Variants in EIF4A2 observed in about 807,000 individuals in gnomAD.
EIF4A2 encodes eukaryotic initiation factor 4A-II.
A neutral mutation model predicts 50.6 loss-of-function variants in EIF4A2; 9 were observed. The observed-to-expected ratio is 0.18, with a 90% CI of 0.11 to 0.31. The LOEUF (loss-of-function observed/expected upper bound fraction) is 0.31. EIF4A2 is among the 10% of genes least tolerant of loss of function. The pLI, the probability that EIF4A2 is intolerant of heterozygous loss-of-function variation, is 1.00. For synonymous variants in EIF4A2, 215 were observed against 164.4 expected (o/e 1.31, Z -2.35); for missense variants, 182 against 501.8 (o/e 0.36, Z 6.09).
intron 1 of EIF4A2, chr3:186,783,947 C>G: frequency 2.1e-6 from 1 of 485,826 alleles, no homozygotes; most frequent in Admixed American, 3.5e-5. Flanking sequence ...AGTCCGAGTT[C>G]GGTACACTGT....
At chr3:186,787,288 G>C in intron 8 of EIF4A2, 24 bp downstream of exon 8, 2 of 1,614,006 alleles carry the variant, frequency 1.2e-6, no homozygotes, top group Non-Finnish European at 1.7e-6. Flanking sequence ...TAAAATGTCT[G>C]GATTTCCACT....
In EIF4A2 at chr3:186,783,596, G is replaced by A. The variant is rs374859102; in HGVS notation, c.-15G>A. Reference sequence around the variant, plus strand: ...CGCTGTCTTTTCAGTCGGGCGCTGAGTGGTTTTTCGGATCATGTCTGGTGG... The same window carrying A: ...CGCTGTCTTTTCAGTCGGGCGCTGAATGGTTTTTCGGATCATGTCTGGTGG... On this transcript the variant is annotated 5_prime_UTR_variant, in exon 1 of 11. It adds an upstream start codon to the 5' untranslated region. Coordinates refer to ENST00000323963, the MANE Select transcript of EIF4A2 (RefSeq NM_001967.4). 3.1e-6 allele frequency: 5 copies of A among 1,614,182 alleles called. No individual in the cohort carries two copies. The South Asian group carries it at 4.4e-5, about 14-fold the overall frequency.
intron 10 of EIF4A2, 141 bp downstream of exon 10, chr3:186,788,023 C>T (rs1033531887): frequency 2.1e-6 from 2 of 940,762 alleles, no homozygotes; most frequent in South Asian, 1.7e-5. Context: ...TAAATTTGTA[C>T]TAGGGAAGGT....
In EIF4A2 at chr3:186,783,630, A is replaced by C; in HGVS notation, c.20A>C (p.Asp7Ala). Residue 7 changes from aspartate to alanine, a missense_variant, in exon 1 of 11, where the codon GAT (aspartate) becomes GCT (alanine). Asp to Ala is a moderately radical substitution (Grantham distance 126). Transcript: ENST00000323963. Reference protein sequence around the residue: MSGGSADYNREHGGPEG... With the variant: MSGGSAAYNREHGGPEG... ...CGGATCATGTCTGGTGGCTCCGCGGATTATAACAGGTATGCAGTCTGTTGG... is the reference window on the plus strand; with the variant it reads ...CGGATCATGTCTGGTGGCTCCGCGGCTTATAACAGGTATGCAGTCTGTTGG... 2 of 1,614,100 alleles carry C rather than the reference A, an allele frequency of 1.2e-6. No homozygotes were observed. The highest frequency in any genetic ancestry group is 1.7e-6 in the Non-Finnish European group (2 of 1,180,036).
chr3:186,785,608 A>G, intron 4 of EIF4A2: 2 of 407,726 alleles, frequency 4.9e-6, no homozygotes, highest in South Asian at 9.1e-5. Context: ...CGTACTCCCT[A>G]CCTACAGTGA....
chr3:186,784,072 G>C (rs1230281940), intron 1 of EIF4A2: 1 of 438,542 alleles, frequency 2.3e-6, no homozygotes, highest in African/African-American at 2.0e-5. Context: ...GCGCGGAGGC[G>C]ACGGGACAGG....
At chr3:186,788,443 T>C (rs1468385016) in intron 10 of EIF4A2, 5 of 1,237,594 alleles carry the variant, frequency 4.0e-6, no homozygotes, top group Non-Finnish European at 5.2e-6. Context: ...GTTTTTCTTT[T>C]GTCATGATTA....
At chr3:186,787,358 A>G in intron 8 of EIF4A2, 94 bp downstream of exon 8, 2 of 1,611,934 alleles carry the variant, frequency 1.2e-6, no homozygotes, top group Non-Finnish European at 1.7e-6. Context: ...CCCCCTGCTT[A>G]AAATAAAGTT....
Position 186,785,870 on chromosome 3 carries a change from G to T in EIF4A2, c.349-13G>T, listed in dbSNP as rs1415508924. 6.3e-7 allele frequency: 1 copy of T among 1,584,618 alleles called. No individual in the cohort carries two copies. The highest frequency in any genetic ancestry group is 1.7e-5 in the Admixed American group (1 of 58,498). On this transcript the variant is annotated splice_polypyrimidine_tract_variant and intron_variant, in intron 4 of 10. Coordinates refer to ENST00000323963, the MANE Select transcript of EIF4A2 (RefSeq NM_001967.4). ...GGAGTTCTGCGGAATAATAATTAAGGCTTGGGTTTTAGATCCAAAAGGTAA... is the reference window on the plus strand; with the variant it reads ...GGAGTTCTGCGGAATAATAATTAAGTCTTGGGTTTTAGATCCAAAAGGTAA...
rs1721580736 is a variant in EIF4A2 at position 186,784,551 on chromosome 3, T to C, written c.76-13T>C. ...ATCTCATTTATGCGTGCATTATTTTTTCTAACTTACAGAGCAACTGGAATG... is the reference window on the plus strand; with the variant it reads ...ATCTCATTTATGCGTGCATTATTTTCTCTAACTTACAGAGCAACTGGAATG... On this transcript the variant is annotated splice_polypyrimidine_tract_variant and intron_variant, in intron 2 of 10. Transcript: ENST00000323963. The C allele has an allele frequency of 6.2e-7, 1 of 1,614,104 alleles. No individual in the cohort carries two copies. Among genetic ancestry groups the C allele is most frequent in the African/African-American group, 1.3e-5 (1 of 74,938 alleles).
intron 7 of EIF4A2, 152 bp downstream of exon 7, chr3:186,786,797 G>C: frequency 9.2e-7 from 1 of 1,092,514 alleles, no homozygotes; most frequent in Non-Finnish European, 1.4e-6. Context: ...AAAGACTGGG[G>C]TGGACCTCTT....
intron 7 of EIF4A2, 154 bp from the exon 8 acceptor site, chr3:186,786,973 A>G (rs1721765704): frequency 1.7e-6 from 2 of 1,187,706 alleles, no homozygotes; most frequent in Admixed American, 4.3e-5. Context: ...ACTTTCTTGA[A>G]ACCCTGGTCT....
chr3:186,784,122 C>T (rs1721543156), intron 1 of EIF4A2: 4 of 502,522 alleles, frequency 8.0e-6, no homozygotes, highest in Admixed American at 3.6e-5. Flanking sequence ...CTCGCCAGGC[C>T]GCTCCGCCCG....
Position 186,789,843 on chromosome 3 carries a change from T to G in EIF4A2, c.*574T>G. 1.4e-6 allele frequency: 1 copy of G among 697,354 alleles called. No homozygotes were observed. The highest frequency in any genetic ancestry group is 1.8e-5 in the African/African-American group (1 of 56,022). The allele number at this position is 697,354 out of a possible 1,614,324, so 43.2% of individuals were successfully genotyped here. On this transcript the variant is annotated 3_prime_UTR_variant, in exon 11 of 11. Transcript: ENST00000323963. The stretch of plus-strand genomic sequence containing the variant: ...TTTAATCCCCAGTAAAATTGCCATA[T>G]TGCACATGTCTTAATGAAGTTTGAA...
At chr3:186,788,459 T>C (rs1721903646) in intron 10 of EIF4A2, 1 of 1,226,642 alleles carries the variant, frequency 8.2e-7, no homozygotes, top group East Asian at 5.7e-5. Flanking sequence ...GATTATTTGA[T>C]TTTTAAGTTG....
intron 10 of EIF4A2, chr3:186,788,582 GT>G (rs1721919263): frequency 2.3e-6 from 1 of 427,992 alleles, no homozygotes; most frequent in African/African-American, 2.1e-5. Flanking sequence ...AGTTAAACAC[GT>G]TTAGAGTAAT....
At chr3:186,785,426 A>G in intron 4 of EIF4A2, 1 of 381,174 alleles carries the variant, frequency 2.6e-6, no homozygotes, top group Non-Finnish European at 4.8e-6. Flanking sequence ...GTAGTTCGTG[A>G]TGCATCTGTT....
chr3:186,785,323 C>T (rs1162056127), intron 4 of EIF4A2: 2 of 604,980 alleles, frequency 3.3e-6, no homozygotes, highest in East Asian at 5.9e-5. Flanking sequence ...GAAGCGCTCT[C>T]TTGGATGTAC....
Position 186,786,624 on chromosome 3 carries a change from T to C in EIF4A2, c.750T>C (p.Phe250=). The C allele has an allele frequency of 1.9e-6, 3 of 1,614,028 alleles. No individual in the cohort carries two copies. Among genetic ancestry groups the C allele is most frequent in the Non-Finnish European group, 2.5e-6 (3 of 1,179,938 alleles). ...EELTLEGIKQ[F]YINVEREEWK... is the part of the protein sequence containing the mutation. The stretch of plus-strand genomic sequence containing the variant: ...TGACCCTTGAAGGAATCAAACAGTT[T>C]TATATTAATGTTGAGAGAGAGGTAA... Residue 250 remains phenylalanine, a synonymous_variant, in exon 7 of 11, where the codon TTT becomes TTC. Coordinates refer to ENST00000323963, the MANE Select transcript of EIF4A2 (RefSeq NM_001967.4).
Sources: gnomAD v4.1 joint callset for allele counts on GRCh38, gnomAD v4.1.1 for gene constraint, MANE v1.5 for transcripts, NCBI Gene and HGNC (gene_info 2026-07-23, HGNC 2026-07-21) for gene names.